CCDC171: variants seen among roughly 807,000 people sequenced by gnomAD.
CCDC171 encodes coiled-coil domain-containing protein 171.
A neutral mutation model predicts 168.2 loss-of-function variants in CCDC171; 177 were observed. The observed-to-expected ratio is 1.05, with a 90% confidence interval of 0.93 to 1.19. The LOEUF is 1.19. Ranked by LOEUF, CCDC171 falls within the 50% of genes most tolerant of loss-of-function variation. The pLI is 0.00. For synonymous variants in CCDC171, 687 were observed against 540.8 expected (o/e 1.27, Z -3.75); for missense variants, 1,991 against 1,539.0 (o/e 1.29, Z -4.91).
chr9:16,032,708 C>T (rs192492290), intron 6 of CCDC171, among the ~76,000 whole-genome samples: 175 of 152,290 alleles, frequency 1.1e-3, no homozygotes, highest in African/African-American at 3.9e-3. Context: ...GCCTCAAACT[C>T]CTGGGCTCGA....
At chr9:15,648,111 G>A (rs781225002) in intron 7 of CCDC171, among the ~76,000 whole-genome samples, 4 of 152,120 alleles carry the variant, frequency 2.6e-5, no homozygotes, top group Non-Finnish European at 4.4e-5. Flanking sequence ...ATCAATAAAC[G>A]TAATCCATCA....
intron 4 of CCDC171, among the ~76,000 whole-genome samples, chr9:15,585,470 A>G (rs539023290): frequency 6.6e-6 from 1 of 152,196 alleles, no homozygotes; most frequent in Non-Finnish European, 1.5e-5. Context: ...AGTGAGAGAA[A>G]CTTTACACTC....
intron 9 of CCDC171, among the ~76,000 whole-genome samples, chr9:15,675,201 TTTTTTTTGC>T (rs1461999385): frequency 6.9e-6 from 1 of 144,616 alleles, no homozygotes; most frequent in African/African-American, 2.5e-5. Context: ...TTTTTTTTTT[TTTTTTTTGC>T]TTTCCATTTG....
At chr9:15,652,219 A>C (rs1443348063) in intron 7 of CCDC171, among the ~76,000 whole-genome samples, 1 of 152,178 alleles carries the variant, frequency 6.6e-6, no homozygotes, top group African/African-American at 2.4e-5. Context: ...TTTATATGAT[A>C]TGAGGTATGG....
In CCDC171 at chr9:15,972,077, T is replaced by C; in HGVS notation, c.*241T>C. 2.1e-6 allele frequency: 1 copy of C among 477,450 alleles called. No homozygotes were observed. Among genetic ancestry groups the C allele is most frequent in the East Asian group, 3.5e-5 (1 of 28,204 alleles). The allele number at this position is 477,450 out of a possible 1,614,324, so 29.6% of individuals were successfully genotyped here. ...CATTTTTATGTAACATATTTTTAAA[T>C]GTTAAGGAATGACACATTTTGGGTA... is the stretch of plus-strand genomic sequence containing the variant. On this transcript the variant is annotated 3_prime_UTR_variant, in exon 26 of 26. Coordinates refer to ENST00000380701, the MANE Select transcript of CCDC171 (RefSeq NM_173550.4).
At chr9:15,702,986 C>CGG (rs1164157091) in intron 11 of CCDC171, among the ~76,000 whole-genome samples, 5 of 151,802 alleles carry the variant, frequency 3.3e-5, no homozygotes, top group Middle Eastern at 3.2e-3. Context: ...TCACTGCAAC[C>CGG]TCCCTCTCCT....
intron 25 of CCDC171, among the ~76,000 whole-genome samples, chr9:15,927,345 T>G (rs1826009675): frequency 6.6e-6 from 1 of 151,612 alleles, no homozygotes; most frequent in Non-Finnish European, 1.5e-5. Context: ...TACAGCCCAG[T>G]AGAGAACAGT....
chr9:15,637,520 C>T (rs952605959), intron 7 of CCDC171, among the ~76,000 whole-genome samples: 8 of 150,850 alleles, frequency 5.3e-5, no homozygotes, highest in South Asian at 2.1e-4. Context: ...GCACAATATG[C>T]CGGTTAGTTA....
chr9:15,879,146 C>A (rs1162294067), intron 24 of CCDC171, among the ~76,000 whole-genome samples: 2 of 152,160 alleles, frequency 1.3e-5, no homozygotes, highest in African/African-American at 4.8e-5. Context: ...ATTTGAAATT[C>A]TGCCATTCAG....
intron 21 of CCDC171, among the ~76,000 whole-genome samples, chr9:15,806,716 T>G (rs2059096676): frequency 6.6e-6 from 1 of 152,116 alleles, no homozygotes; most frequent in African/African-American, 2.4e-5. Flanking sequence ...GATGCTCTTG[T>G]GTAGAATCTT....
chr9:15,907,474 G>A (rs919870373), intron 24 of CCDC171, among the ~76,000 whole-genome samples: 1 of 152,150 alleles, frequency 6.6e-6, no homozygotes, highest in African/African-American at 2.4e-5. Flanking sequence ...GCTGAAGCTG[G>A]ATCCCTTCCT....
chr9:15,930,871 T>C (rs1826427310), intron 25 of CCDC171, among the ~76,000 whole-genome samples: 1 of 151,736 alleles, frequency 6.6e-6, no homozygotes, highest in Admixed American at 6.6e-5. Context: ...GGGTATAATT[T>C]GATGTTTTGA....
intron 24 of CCDC171, chr9:15,883,012 T>TCCTTCCTTCCTTCCTTCCTTCCTGGCTG (rs1563932626): frequency 9.1e-4 from 3 of 3,310 alleles, no homozygotes; most frequent in African/African-American, 3.6e-3. Context: ...CTTCCTTCCT[T>TCCTTCCTTCCTTCCTTCCTTCCTGGCTG]CCTTCCTCCC....
chr9:15,940,403 C>G (rs1295017874), intron 25 of CCDC171, among the ~76,000 whole-genome samples: 1 of 151,818 alleles, frequency 6.6e-6, no homozygotes, highest in East Asian at 1.9e-4. Context: ...ACCAGTTACA[C>G]TGGTAACTGA....
chr9:15,628,968 G>T (rs947127177), intron 7 of CCDC171, among the ~76,000 whole-genome samples: 1 of 152,176 alleles, frequency 6.6e-6, no homozygotes, highest in Non-Finnish European at 1.5e-5. Context: ...GCAGCTGAGG[G>T]TCCTGTCTGT....
the CCDC171 span, among the ~76,000 whole-genome samples, chr9:16,104,278 T>G: frequency 6.6e-6 from 1 of 151,870 alleles, no homozygotes; most frequent in African/African-American, 2.4e-5. Context: ...CCCAGCTGCC[T>G]CCCCCTCCCC....
intron 21 of CCDC171, among the ~76,000 whole-genome samples, chr9:15,787,196 T>C (rs940622630): frequency 4.6e-5 from 7 of 152,186 alleles, no homozygotes; most frequent in Non-Finnish European, 1.0e-4. Flanking sequence ...CAAATCAGGC[T>C]AACATTCATC....
chr9:15,740,438 T>C (rs1187307707), intron 16 of CCDC171, among the ~76,000 whole-genome samples: 1 of 150,646 alleles, frequency 6.6e-6, no homozygotes, highest in Non-Finnish European at 1.5e-5. Context: ...TTTTTGTTTG[T>C]GTGTGTGTGT....
At chr9:16,084,146 T>C in the CCDC171 span, among the ~76,000 whole-genome samples, 3 of 152,344 alleles carry the variant, frequency 2.0e-5, no homozygotes, top group South Asian at 2.1e-4. Flanking sequence ...TAAAGCAGAA[T>C]ACTTAAAGTA....
Sources: allele counts gnomAD v4.1 joint callset (sites outside exome capture counted in the v4.1 genomes callset), GRCh38; gene constraint gnomAD v4.1.1; transcripts MANE v1.5; gene names NCBI Gene and HGNC (gene_info 2026-07-23, HGNC 2026-07-21).